The following ASGR1 variants were observed in gnomAD, a reference collection of about 807,000 sequenced individuals.
ASGR1 encodes the protein asialoglycoprotein receptor 1.
In ASGR1, 35 loss-of-function variants were observed where a neutral mutation model predicts 33.1. The observed-to-expected ratio is 1.06, with a 90% CI of 0.81 to 1.40. The LOEUF is 1.40. Among genes scored for constraint, ASGR1 ranks in the 40% most tolerant of loss-of-function variants. ASGR1 has a pLI of 0.00. For synonymous variants in ASGR1, 142 were observed against 152.5 expected (o/e 0.93, Z 0.51); for missense variants, 396 against 373.7 (o/e 1.06, Z -0.49).
At chr17:7,176,367 ATC>A (rs775849749) in intron 5 of ASGR1, among the ~76,000 whole-genome samples, 3 of 137,924 alleles carry the variant, frequency 2.2e-5, no homozygotes, top group Non-Finnish European at 3.1e-5. Context: ...CACACACCCC[ATC>A]TCATTCTTAC....
At chr17:7,178,187 AC>A (rs1162817598) in intron 2 of ASGR1, 1 of 410,282 alleles carries the variant, frequency 2.4e-6, no homozygotes, top group Admixed American at 3.5e-5. Context: ...AGGGGGCGTG[AC>A]TTCGTCATAG....
At chr17:7,175,168 C>A (rs2069181713) in intron 5 of ASGR1, among the ~76,000 whole-genome samples, 1 of 150,080 alleles carries the variant, frequency 6.7e-6, no homozygotes, top group African/African-American at 2.5e-5. Context: ...ACACACAATA[C>A]ACCCTCACGC....
At chr17:7,176,946 C>A (rs772715561) in intron 4 of ASGR1, 35 bp downstream of exon 4, 1 of 1,579,460 alleles carries the variant, frequency 6.3e-7, no homozygotes, top group Non-Finnish European at 8.6e-7. Flanking sequence ...CCCCCAGCCC[C>A]AGCCCCAGCC....
At chr17:7,176,509 AC>A (rs1207115176) in intron 5 of ASGR1, 1 of 456,284 alleles carries the variant, frequency 2.2e-6, no homozygotes, top group African/African-American at 2.4e-5. Flanking sequence ...ACACTCAGAC[AC>A]ACACCCCCTC....
intron 1 of ASGR1, 33 bp from the exon 2 acceptor site, chr17:7,178,621 G>A: frequency 1.3e-6 from 2 of 1,514,962 alleles, no homozygotes; most frequent in Non-Finnish European, 1.8e-6. Flanking sequence ...GCTGAGGTGG[G>A]GGCTCACCAG....
Position 7,176,764 on chromosome 17 carries a change from A to T in ASGR1, c.355+66T>A, listed in dbSNP as rs541250262. 3,177 of 1,576,646 alleles carry T rather than the reference A, an allele frequency of 2.0e-3. 6 individuals carry two copies. Among genetic ancestry groups the T allele is most frequent in the Non-Finnish European group, 2.4e-3 (2,777 of 1,161,894 alleles). On this transcript the variant is annotated intron_variant, in intron 5 of 8. Coordinates refer to ENST00000269299, the MANE Select transcript of ASGR1 (RefSeq NM_001671.5). The stretch of plus-strand genomic sequence containing the variant: ...CATCCACACACACTCACACTTTCTC[A>T]CACACATCCACACATTCTCACTCTC...
chr17:7,176,927 C>T, intron 4 of ASGR1, 26 bp from the exon 5 acceptor site: 1 of 1,610,536 alleles, frequency 6.2e-7, no homozygotes, highest in South Asian at 1.1e-5. Flanking sequence ...GCTCAGCGTT[C>T]CCGACAGCCC....
rs778569666 is a variant in ASGR1, at chr17:7,177,220, G to A, written c.177C>T (p.Ile59=). The A allele has an allele frequency of 1.9e-6, 3 of 1,613,404 alleles. No homozygotes were observed. The highest frequency in any genetic ancestry group is 2.2e-5 in the East Asian group (1 of 44,806). ...SLLLLVVVCV[I]GSQNSQLQEE... The stretch of plus-strand genomic sequence containing the variant: ...CCCTGGGGCACCCACTTTGGGATCC[G>A]ATCACACAGACAACCACAAGCAGCA... The change falls in exon 3 of 9, where the codon ATC becomes ATT. Residue 59 remains isoleucine, a synonymous_variant. Transcript: ENST00000269299.
intron 2 of ASGR1, 105 bp from the exon 3 acceptor site, chr17:7,177,431 G>A: frequency 1.2e-6 from 1 of 849,988 alleles, no homozygotes; most frequent in Admixed American, 2.8e-5. Flanking sequence ...TAGTCTAGGA[G>A]GAACCATGTA....
In ASGR1 at chr17:7,175,783, TCA is replaced by T. The variant is rs368628906; in HGVS notation, c.355+1045_355+1046del. Among the ~76,000 whole-genome samples, 327 of 145,088 alleles carry T rather than the reference TCA, an allele frequency of 2.3e-3. 4 individuals carry two copies. In the South Asian group the frequency reaches 0.03, roughly 13 times the overall value. ...CTCCTTCTCATTTTCACACAGGCTC[TCA>T]CACACACACACACTCCCTCTCATTC... On this transcript the variant is annotated intron_variant, in intron 5 of 8. Coordinates refer to ENST00000269299, the MANE Select transcript of ASGR1 (RefSeq NM_001671.5).
In ASGR1 at chr17:7,177,337, A is replaced by AG; in HGVS notation, c.71-12dup. On this transcript the variant is annotated splice_polypyrimidine_tract_variant and intron_variant, in intron 2 of 8. Transcript: ENST00000269299. ...GGGGAGGAGGTGGCCCTGCAAGAGG[A>AG]GGGGGTGTCAGGAGCGCGGGGACAG... The AG allele has an allele frequency of 6.2e-7, 1 of 1,610,794 alleles. No homozygotes were observed. The highest frequency in any genetic ancestry group is 8.5e-7 in the Non-Finnish European group (1 of 1,178,040).
In ASGR1 at chr17:7,174,471, C is replaced by T; in HGVS notation, c.356-11G>A. 3.7e-6 allele frequency: 6 copies of T among 1,610,582 alleles called. No homozygotes were observed. Among genetic ancestry groups the T allele is most frequent in the Non-Finnish European group, 5.1e-6 (6 of 1,178,444 alleles). ...GCAGGCTGGAGTGATCTGGGGAGAC[C>T]GGGCGGAGGGGAGCGGGAGGAGATG... On this transcript the variant is annotated splice_polypyrimidine_tract_variant and intron_variant, in intron 5 of 8. Transcript: ENST00000269299.
chr17:7,174,028 T>C lies in ASGR1; in HGVS notation c.634A>G (p.Met212Val), dbSNP rs1197344305. 1 of 1,614,206 alleles carries C rather than the reference T, an allele frequency of 6.2e-7. No individual in the cohort carries two copies. Residue 212 changes from methionine (M) to valine (V), a missense_variant, in exon 8 of 9, where the codon ATG (methionine) becomes GTG (valine). By Grantham distance (21) the Met-to-Val change is conservative. Transcript: ENST00000269299. Reference protein sequence around the residue: ...QHHIGPVNTWMGLHDQNGPWK... With the variant: ...QHHIGPVNTWVGLHDQNGPWK... The stretch of plus-strand genomic sequence containing the variant: ...GGCCCGTTTTGGTCGTGGAGGCCCA[T>C]CCAGGTGTTCACAGGGCCTATGTGG...
intron 1 of ASGR1, 136 bp from the exon 2 acceptor site, chr17:7,178,724 CTTT>C: frequency 2.3e-6 from 1 of 427,438 alleles, no homozygotes; most frequent in Non-Finnish European, 3.9e-6. Flanking sequence ...TTTTCTTTTT[CTTT>C]TTTTTCTTTT....
intron 2 of ASGR1, chr17:7,177,623 A>C (rs1597424811): frequency 6.5e-6 from 2 of 309,250 alleles, no homozygotes; most frequent in Non-Finnish European, 1.2e-5. Context: ...ACCTCAGTCC[A>C]CCCCCTCCTC....
In ASGR1 at chr17:7,173,901, G is replaced by GCCCAGGGC; in HGVS notation, c.701+52_701+59dup. The GCCCAGGGC allele has an allele frequency of 1.2e-6, 2 of 1,611,132 alleles. No individual in the cohort carries two copies. The highest frequency in any genetic ancestry group is 2.2e-5 in the South Asian group (2 of 90,968). ...CAGGCGGGTCGCTCCAGACTCCTCA[G>GCCCAGGGC]CCCAGGGCCCCAGGGCGCGAAGGCG... On this transcript the variant is annotated intron_variant, in intron 8 of 8. Transcript: ENST00000269299. This position sits in a 1 kb window ranked among gnomAD's most constrained non-coding sequence, Gnocchi z 4.7.
chr17:7,176,051 C>CAG (rs1491555265), intron 5 of ASGR1, among the ~76,000 whole-genome samples: 1 of 146,832 alleles, frequency 6.8e-6, no homozygotes, highest in Non-Finnish European at 1.5e-5. Flanking sequence ...CTCATTCACA[C>CAG]AGACTCACAC....
intron 5 of ASGR1, among the ~76,000 whole-genome samples, chr17:7,176,353 GACAC>G (rs140200784): frequency 7.4e-4 from 91 of 123,368 alleles, no homozygotes; most frequent in Middle Eastern, 7.7e-3. Flanking sequence ...CACACTCACA[GACAC>G]ACACACCCCA....
chr17:7,177,202 G>C lies in ASGR1; in HGVS notation c.187+8C>G. ...ATGTTGCCCCCTTCCCACCCCTGGG[G>C]CACCCACTTTGGGATCCGATCACAC... On this transcript the variant is annotated splice_region_variant and intron_variant, in intron 3 of 8. Transcript: ENST00000269299. The C allele has an allele frequency of 6.2e-7, 1 of 1,612,832 alleles. No individual in the cohort carries two copies. Among genetic ancestry groups the C allele is most frequent in the Non-Finnish European group, 8.5e-7 (1 of 1,179,676 alleles).
Sources: allele counts gnomAD v4.1 joint callset (sites outside exome capture counted in the v4.1 genomes callset), GRCh38; gene constraint gnomAD v4.1.1; non-coding constraint Gnocchi (gnomAD v3.1); transcripts MANE v1.5; gene names NCBI Gene and HGNC (gene_info 2026-07-23, HGNC 2026-07-21).